The following FAAH2 variants were observed in gnomAD, a reference collection of about 807,000 sequenced individuals.
The protein encoded by FAAH2 is fatty-acid amide hydrolase 2.
A neutral mutation model predicts 36.9 loss-of-function variants in FAAH2; 60 were observed. The ratio of observed to expected loss-of-function variants is 1.63; its 90% CI spans 1.32 to 2.02. FAAH2 has a LOEUF of 2.02. Among genes scored for constraint, FAAH2 ranks in the 30% most tolerant of loss-of-function variants. FAAH2 has a pLI of 0.00. For missense variants in FAAH2, 689 were observed against 397.5 expected (o/e 1.73, Z -6.23); for synonymous variants, 214 against 143.8 (o/e 1.49, Z -3.49).
chrX:57,158,280 G>A, the FAAH2 span, among the ~76,000 whole-genome samples: 17 of 111,892 alleles, frequency 1.5e-4, no homozygotes, highest in South Asian at 3.7e-3. Flanking sequence ...CCAAGTCTTC[G>A]CTATTGTGAA....
the FAAH2 span, among the ~76,000 whole-genome samples, chrX:57,150,864 T>C: frequency 8.9e-6 from 1 of 112,416 alleles, no homozygotes; most frequent in African/African-American, 3.2e-5. Context: ...CTTGATGGTC[T>C]ATACAATTTG....
chrX:57,475,655 A>C (rs2057253405), intron 10 of FAAH2, among the ~76,000 whole-genome samples: 1 of 111,942 alleles, frequency 8.9e-6, no homozygotes, highest in African/African-American at 3.2e-5. Context: ...CTTTTTGCTT[A>C]GGATTGCCGT....
intron 3 of FAAH2, among the ~76,000 whole-genome samples, chrX:57,316,389 A>G (rs1219832558): frequency 2.7e-5 from 3 of 112,029 alleles, no homozygotes; most frequent in Non-Finnish European, 5.6e-5. Context: ...TTTAAAATTC[A>G]TATGGAATCT....
At chrX:57,353,831 A>C (rs185276639) in intron 5 of FAAH2, among the ~76,000 whole-genome samples, 215 of 111,478 alleles carry the variant, frequency 1.9e-3, no homozygotes, top group African/African-American at 6.7e-3. Context: ...ACAAATGGCC[A>C]ATATGTATAT....
At position 57,343,915 on chromosome X, in the gene FAAH2, G is replaced by A. The variant is rs749020037; in HGVS notation, c.742+2525G>A. On this transcript the variant is annotated intron_variant, in intron 5 of 10. Coordinates refer to ENST00000374900, the MANE Select transcript of FAAH2 (RefSeq NM_174912.4). ...TGTAAATTTTGTCTAAGATCAGATCGTTGTAGGTTTGCAGCTTTATTTCTG... is the reference window on the plus strand; with the variant it reads ...TGTAAATTTTGTCTAAGATCAGATCATTGTAGGTTTGCAGCTTTATTTCTG... 1.1e-3 allele frequency among the ~76,000 whole-genome samples: 126 copies of A among 111,379 alleles called. 1 individual carries two copies. Among genetic ancestry groups the A allele is most frequent in the African/African-American group, 3.8e-3 (116 of 30,726 alleles).
intron 2 of FAAH2, among the ~76,000 whole-genome samples, chrX:57,309,728 A>G (rs1318596958): frequency 9.0e-6 from 1 of 111,163 alleles, no homozygotes; most frequent in African/African-American, 3.3e-5. Flanking sequence ...TTCCTGCATT[A>G]GTTTGCTGAG....
intron 10 of FAAH2, among the ~76,000 whole-genome samples, chrX:57,472,649 G>C (rs1374052574): frequency 9.1e-6 from 1 of 110,132 alleles, no homozygotes; most frequent in African/African-American, 3.3e-5. Flanking sequence ...TTAGATTAGT[G>C]ATTAGATCTC....
intron 7 of FAAH2, among the ~76,000 whole-genome samples, chrX:57,429,657 C>T (rs1379170566): frequency 3.6e-5 from 4 of 111,550 alleles, no homozygotes; most frequent in East Asian, 2.8e-4. Context: ...AACTACCATT[C>T]TATGCAATAA....
the FAAH2 span, among the ~76,000 whole-genome samples, chrX:57,220,516 C>G: frequency 8.9e-6 from 1 of 111,836 alleles, no homozygotes; most frequent in Admixed American, 9.5e-5. Flanking sequence ...GCTCCAGAAG[C>G]TTGACGACGG....
At chrX:57,486,091 C>T (rs1204126637) in intron 10 of FAAH2, among the ~76,000 whole-genome samples, 3 of 111,650 alleles carry the variant, frequency 2.7e-5, no homozygotes, top group Non-Finnish European at 5.6e-5. Flanking sequence ...TTTGCAATCA[C>T]CTCTGATCAG....
chrX:57,422,763 A>G (rs1361287941), intron 7 of FAAH2, among the ~76,000 whole-genome samples: 1 of 111,746 alleles, frequency 8.9e-6, no homozygotes, highest in East Asian at 2.8e-4. Context: ...ACACTCTGGG[A>G]GGCTGGAAAT....
At chrX:57,159,782 A>C in the FAAH2 span, among the ~76,000 whole-genome samples, 2 of 111,921 alleles carry the variant, frequency 1.8e-5, no homozygotes, top group African/African-American at 6.5e-5. Flanking sequence ...TGTGATCTGC[A>C]AACAGGGACA....
At chrX:57,284,210 C>G (rs1056791643), upstream of FAAH2, among the ~76,000 whole-genome samples, 2 of 111,225 alleles carry the variant, frequency 1.8e-5, no homozygotes, top group Non-Finnish European at 1.9e-5. Flanking sequence ...GCGGCGTGCC[C>G]GGGAAGAAAG....
chrX:57,429,903 G>C (rs1330671420), intron 7 of FAAH2, among the ~76,000 whole-genome samples: 1 of 111,020 alleles, frequency 9.0e-6, no homozygotes, highest in Non-Finnish European at 1.9e-5. Flanking sequence ...GGAACTGGAG[G>C]CCATTGTCTT....
chrX:57,243,224 T>C, the FAAH2 span, among the ~76,000 whole-genome samples: 1 of 112,174 alleles, frequency 8.9e-6, no homozygotes, highest in African/African-American at 3.2e-5. Context: ...GGGCAGGGCA[T>C]CTTTGAAAGA....
At chrX:57,386,929 G>C (rs1176635684) in intron 7 of FAAH2, among the ~76,000 whole-genome samples, 1 of 111,940 alleles carries the variant, frequency 8.9e-6, no homozygotes, top group Non-Finnish European at 1.9e-5. Context: ...TGCTAAAAAA[G>C]AGACAGATTG....
the FAAH2 span, among the ~76,000 whole-genome samples, chrX:57,229,672 G>A: frequency 8.0e-4 from 89 of 111,047 alleles, no homozygotes; most frequent in Non-Finnish European, 1.4e-3. Flanking sequence ...GTCTTTTTTA[G>A]AGATCTGGAA....
chrX:57,158,012 C>T, the FAAH2 span, among the ~76,000 whole-genome samples: 1 of 110,511 alleles, frequency 9.0e-6, no homozygotes, highest in African/African-American at 3.3e-5. Context: ...TCCCACCCCA[C>T]AACAGGCCCC....
chrX:57,228,356 C>T, the FAAH2 span, among the ~76,000 whole-genome samples: 2 of 111,241 alleles, frequency 1.8e-5, no homozygotes, highest in African/African-American at 6.5e-5. Context: ...CTGGGTTTGG[C>T]TCTCTAACTT....
Sources: allele counts gnomAD v4.1 joint callset (sites outside exome capture counted in the v4.1 genomes callset), GRCh38; gene constraint gnomAD v4.1.1; transcripts MANE v1.5; gene names NCBI Gene and HGNC (gene_info 2026-07-23, HGNC 2026-07-21).